COL21A1: variants seen among roughly 807,000 people sequenced by gnomAD.
COL21A1 encodes collagen alpha-1(XXI) chain.
Under a neutral mutation model 137.9 loss-of-function variants are expected in COL21A1, and 149 were observed. The observed-to-expected ratio is 1.08, with a 90% CI of 0.95 to 1.24. COL21A1 has a LOEUF of 1.24. COL21A1 is among the 50% of genes most tolerant of loss of function. The probability of loss-of-function intolerance (pLI) is 0.00; values close to 1 mark genes in which losing one functional copy is unlikely to be tolerated. For missense variants in COL21A1, 1,167 were observed against 1,158.4 expected (o/e 1.01, Z -0.11); for synonymous variants, 456 against 391.5 (o/e 1.16, Z -1.95).
intron 1 of COL21A1, among the ~76,000 whole-genome samples, chr6:56,370,651 T>G (rs1205572015): frequency 6.6e-6 from 1 of 152,208 alleles, no homozygotes; most frequent in Non-Finnish European, 1.5e-5. Flanking sequence ...GCATAAAATC[T>G]AGTTAAGAGT....
chr6:56,322,884 C>CAAAAAAAAAA lies in COL21A1; in HGVS notation c.-39+71077_-39+71086dup, dbSNP rs386407164. On this transcript the variant is annotated intron_variant, in intron 1 of 28. Transcript: ENST00000370819. ...ATGGATCAAAACCATCCTCTGCTAT[C>CAAAAAAAAAA]AAAAAAAAAAAAAAAAAGTCAAGTC... is the stretch of plus-strand genomic sequence containing the variant. Among the ~76,000 whole-genome samples, 3 of 129,800 alleles carry CAAAAAAAAAA rather than the reference C, an allele frequency of 2.3e-5. 1 individual carries two copies. The highest frequency in any genetic ancestry group is 6.2e-5 in the African/African-American group (2 of 32,452). The allele number at this position is 129,800 out of a possible 152,430, so 85.2% of individuals were successfully genotyped here. A position where few individuals can be genotyped will look rare whatever the true frequency, so the allele number is the denominator to read the frequency against.
chr6:56,245,933 C>T (rs1782613299), intron 1 of COL21A1, among the ~76,000 whole-genome samples: 1 of 152,202 alleles, frequency 6.6e-6, no homozygotes. Flanking sequence ...GTGTTCATTG[C>T]AGCACGCATG....
intron 1 of COL21A1, among the ~76,000 whole-genome samples, chr6:56,314,374 TG>T (rs1312715296): frequency 6.6e-6 from 1 of 152,226 alleles, no homozygotes; most frequent in Non-Finnish European, 1.5e-5. Flanking sequence ...TTCATTTTCC[TG>T]TTGGAGATGT....
chr6:56,101,533 T>G lies in COL21A1; in HGVS notation c.1759-8A>C. On this transcript the variant is annotated splice_region_variant and splice_polypyrimidine_tract_variant and intron_variant, in intron 16 of 29. Transcript: ENST00000244728. ...AGGGGATCCTGCTTCTCCCTTTTAA[T>G]GATTTGACAAAAAGAAATAGAGAAT... is the stretch of plus-strand genomic sequence containing the variant. The G allele has an allele frequency of 6.3e-7, 1 of 1,578,256 alleles. No individual in the cohort carries two copies. The highest frequency in any genetic ancestry group is 8.6e-7 in the Non-Finnish European group (1 of 1,160,116).
intron 1 of COL21A1, among the ~76,000 whole-genome samples, chr6:56,279,044 T>C (rs556443890): frequency 1.3e-5 from 2 of 152,102 alleles, no homozygotes; most frequent in Non-Finnish European, 2.9e-5. Flanking sequence ...ATGTTGGAGG[T>C]AGGGCCTGGT....
At chr6:56,277,881 T>C (rs901683579) in intron 1 of COL21A1, among the ~76,000 whole-genome samples, 1 of 152,244 alleles carries the variant, frequency 6.6e-6, no homozygotes. Context: ...GGAACAGTAT[T>C]TGTACTAATT....
chr6:56,095,615 T>G lies in COL21A1; in HGVS notation c.1812+5857A>C, dbSNP rs143988884. ...TACTGTTTCTGTCACTTCCCTTTCA[T>G]GTACCGCATGGCAGCCTCAACTACT... On this transcript the variant is annotated intron_variant, in intron 17 of 29. Coordinates refer to ENST00000244728, the MANE Select transcript of COL21A1 (RefSeq NM_030820.4). Among the ~76,000 whole-genome samples, 251 of 152,320 alleles carry G rather than the reference T, an allele frequency of 1.6e-3. 2 individuals are homozygous for G. Among genetic ancestry groups the G allele is most frequent in the African/African-American group, 5.7e-3 (239 of 41,578 alleles).
intron 16 of COL21A1, among the ~76,000 whole-genome samples, chr6:56,106,699 A>T (rs1770928182): frequency 6.6e-6 from 1 of 152,370 alleles, no homozygotes; most frequent in Admixed American, 6.5e-5. Context: ...AAAGAAAAAA[A>T]TAATAAAAAC....
chr6:56,070,928 C>T (rs1324432819), intron 20 of COL21A1, 130 bp from the exon 21 acceptor site: 1 of 725,464 alleles, frequency 1.4e-6, no homozygotes, highest in Non-Finnish European at 2.2e-6. Context: ...TTGATAGACT[C>T]TGTACATTAG....
chr6:56,267,754 TAAAAAA>T lies in COL21A1; in HGVS notation c.-38-85104_-38-85099del, dbSNP rs61326932. On this transcript the variant is annotated intron_variant, in intron 1 of 28. Transcript: ENST00000370819. ...CCTGGGCAACAGAGCAAGACTCTGT[TAAAAAA>T]AAAAAAAAAAAAGAAGAAGAAGAAG... Among the ~76,000 whole-genome samples, 734 of 131,372 alleles carry T rather than the reference TAAAAAA, an allele frequency of 5.6e-3. 5 individuals carry two copies. Among genetic ancestry groups the T allele is most frequent in the Non-Finnish European group, 7.3e-3 (456 of 62,432 alleles). The allele number at this position is 131,372 out of a possible 152,430, so 86.2% of individuals were successfully genotyped here.
chr6:56,364,612 G>C (rs1006572160), intron 1 of COL21A1, among the ~76,000 whole-genome samples: 1 of 152,122 alleles, frequency 6.6e-6, no homozygotes, highest in Non-Finnish European at 1.5e-5. Flanking sequence ...AGCCTTGCCT[G>C]GTTCTCAGAC....
At chr6:56,098,418 T>C (rs865930944) in intron 17 of COL21A1, among the ~76,000 whole-genome samples, 2 of 7,338 alleles carry the variant, frequency 2.7e-4, no homozygotes, top group East Asian at 5.1e-3. Context: ...TATATAAATA[T>C]ATAAATATAT....
intron 1 of COL21A1, among the ~76,000 whole-genome samples, chr6:56,320,188 C>G (rs1376839104): frequency 6.6e-6 from 1 of 152,090 alleles, no homozygotes. Flanking sequence ...GTCCAAAACC[C>G]TAAAGTCATA....
At chr6:56,296,785 C>A (rs1384774607) in intron 1 of COL21A1, among the ~76,000 whole-genome samples, 1 of 151,974 alleles carries the variant, frequency 6.6e-6, no homozygotes, top group Non-Finnish European at 1.5e-5. Context: ...GAAAAATACC[C>A]ACAAGTGTCC....
chr6:56,175,931 A>G (rs1372480480), intron 3 of COL21A1, among the ~76,000 whole-genome samples: 1 of 152,144 alleles, frequency 6.6e-6, no homozygotes, highest in Non-Finnish European at 1.5e-5. Flanking sequence ...ATAAAAACAA[A>G]CATATAGACA....
At chr6:56,228,321 T>C (rs1781338588) in intron 1 of COL21A1, among the ~76,000 whole-genome samples, 1 of 151,628 alleles carries the variant, frequency 6.6e-6, no homozygotes, top group African/African-American at 2.4e-5. Flanking sequence ...TGAAGGACAG[T>C]GAGAGCAGAA....
At chr6:56,240,709 T>C (rs559621538) in intron 1 of COL21A1, among the ~76,000 whole-genome samples, 12 of 152,294 alleles carry the variant, frequency 7.9e-5, no homozygotes, top group African/African-American at 2.9e-4. Flanking sequence ...AGCACACCTG[T>C]CTAACTCTCC....
chr6:56,061,793 A>G (rs1765820097), intron 24 of COL21A1, 112 bp from the exon 25 acceptor site: 1 of 660,302 alleles, frequency 1.5e-6, no homozygotes, highest in Non-Finnish European at 2.5e-6. Flanking sequence ...TTTGGAAAAT[A>G]TTGATAGCAT....
chr6:56,101,050 C>T (rs1005255399), intron 17 of COL21A1, among the ~76,000 whole-genome samples: 1 of 152,126 alleles, frequency 6.6e-6, no homozygotes, highest in Non-Finnish European at 1.5e-5. Flanking sequence ...GGGACATGTG[C>T]TAAAAATGTA....
Sources: allele counts gnomAD v4.1 joint callset (sites outside exome capture counted in the v4.1 genomes callset), GRCh38; gene constraint gnomAD v4.1.1; transcripts MANE v1.5; gene names NCBI Gene and HGNC (gene_info 2026-07-23, HGNC 2026-07-21).